EML5: variants seen among roughly 807,000 people sequenced by gnomAD.
EML5 encodes echinoderm microtubule-associated protein-like 5.
In EML5, 120 loss-of-function variants were observed where a neutral mutation model predicts 250.0. The observed-to-expected ratio is 0.48, with a 90% CI of 0.41 to 0.56. The LOEUF (loss-of-function observed/expected upper bound fraction) is 0.56, where lower values mean the gene tolerates loss of function less well. Ranked by LOEUF, EML5 falls within the 20% of genes least tolerant of loss-of-function variation. The pLI, the probability that EML5 is intolerant of heterozygous loss-of-function variation, is 0.00. For missense variants in EML5, 2,006 were observed against 2,437.6 expected, an observed-to-expected ratio of 0.82 and a Z score of 3.73; for synonymous variants, 771 against 806.5, an observed-to-expected ratio of 0.96 and a Z score of 0.75.
In EML5 at chr14:88,613,122, G is replaced by GAATT. The variant is rs2087059602; in HGVS notation, c.*2692_*2695dup. ...ATTGCTTTTCCATTGGGAGAAGAAA[G>GAATT]AATTAACCAGTCATTAAACCATTTG... On this transcript the variant is annotated 3_prime_UTR_variant, in exon 44 of 44. Coordinates refer to ENST00000554922, the MANE Select transcript of EML5 (RefSeq NM_183387.3). 6.6e-6 allele frequency: 1 copy of GAATT among 152,234 alleles called. No homozygotes were observed. The highest frequency in any genetic ancestry group is 6.5e-5 in the Admixed American group (1 of 15,274). 9.4% of individuals were successfully genotyped at this position (152,234 alleles called of 1,614,324 possible).
At chr14:88,733,867 A>T (rs1252206225) in intron 7 of EML5, among the ~76,000 whole-genome samples, 1 of 152,188 alleles carries the variant, frequency 6.6e-6, no homozygotes, top group Non-Finnish European at 1.5e-5. Context: ...TATATTGAAA[A>T]TTTTTAAAAA....
chr14:88,737,432 A>G (rs1172909338), intron 6 of EML5, among the ~76,000 whole-genome samples: 2 of 152,228 alleles, frequency 1.3e-5, no homozygotes, highest in African/African-American at 2.4e-5. Flanking sequence ...GGATCCAGCC[A>G]GAGTATAAGC....
At chr14:88,682,057 T>C (rs1450075480) in intron 20 of EML5, 26 bp from the exon 21 acceptor site, 2 of 1,570,464 alleles carry the variant, frequency 1.3e-6, no homozygotes, top group Non-Finnish European at 8.6e-7. Flanking sequence ...AGGATCAATT[T>C]AGTGTATGTG....
chr14:88,746,524 C>A (rs2094006617), intron 2 of EML5, among the ~76,000 whole-genome samples: 1 of 151,966 alleles, frequency 6.6e-6, no homozygotes. Flanking sequence ...GTAGGATTGA[C>A]AAAATATCCT....
chr14:88,636,703 G>T (rs77313425), intron 32 of EML5, among the ~76,000 whole-genome samples: 3,035 of 152,146 alleles, frequency 0.02, 97 homozygotes, highest in African/African-American at 0.066. Flanking sequence ...ATAAGACTCA[G>T]GGAGAATATG....
intron 21 of EML5, among the ~76,000 whole-genome samples, chr14:88,679,604 A>G (rs1466661339): frequency 1.3e-5 from 2 of 152,148 alleles, no homozygotes; most frequent in African/African-American, 4.8e-5. Context: ...AAGCAGAAGA[A>G]TCGCTTGAAC....
At chr14:88,660,283 A>T (rs78211623) in intron 25 of EML5, among the ~76,000 whole-genome samples, 13 of 89,266 alleles carry the variant, frequency 1.5e-4, no homozygotes, top group East Asian at 5.2e-4. Flanking sequence ...ACGCTGTCTT[A>T]AAAAAAAAAA....
chr14:88,614,928 G>A lies in EML5; in HGVS notation c.*890C>T, dbSNP rs1567005979. ...TTAAATTGTATAATGTTGTATATGT[G>A]AATTTAACACTTTTGTTTACATGTT... On this transcript the variant is annotated 3_prime_UTR_variant, in exon 44 of 44. Coordinates refer to ENST00000554922, the MANE Select transcript of EML5 (RefSeq NM_183387.3). 1.3e-5 allele frequency: 2 copies of A among 152,120 alleles called. No individual in the cohort carries two copies. Among genetic ancestry groups the A allele is most frequent in the African/African-American group, 4.8e-5 (2 of 41,436 alleles). 9.4% of individuals were successfully genotyped at this position (152,120 alleles called of 1,614,324 possible). A position where few individuals can be genotyped will look rare whatever the true frequency, so the allele number is the denominator to read the frequency against.
rs2088664364 is a variant in EML5, at chr14:88,620,371, TGAG to T, written c.5375+380_5375+382del. 1 of 162,966 alleles carries T rather than the reference TGAG, an allele frequency of 6.1e-6. No individual in the cohort carries two copies. Among genetic ancestry groups the T allele is most frequent in the Non-Finnish European group, 1.3e-5 (1 of 75,818 alleles). The allele number at this position is 162,966 out of a possible 1,614,324, so 10.1% of individuals were successfully genotyped here. Reference sequence around the variant, plus strand: ...ATTAATGAACTACATATTCCCAAACTGAGGTTACTAAGAGAAGATATGTTTGAA... The same window carrying T: ...ATTAATGAACTACATATTCCCAAACTGTTACTAAGAGAAGATATGTTTGAA... On this transcript the variant is annotated intron_variant, in intron 39 of 43. Coordinates refer to ENST00000554922, the MANE Select transcript of EML5 (RefSeq NM_183387.3). The surrounding 1 kb of genome is among the most constrained non-coding windows in gnomAD (Gnocchi z 4.3).
In EML5 at chr14:88,765,705, G is replaced by A. The variant is rs373038075; in HGVS notation, c.198-11034C>T. On this transcript the variant is annotated intron_variant, in intron 1 of 43. Coordinates refer to ENST00000554922, the MANE Select transcript of EML5 (RefSeq NM_183387.3). ...GGAATTAGAGTATGGATATCTTTGG[G>A]GCCAGTCTGGCTACCATGCAGACTC... Among the ~76,000 whole-genome samples the A allele has an allele frequency of 3.3e-5, 5 of 152,158 alleles. No individual in the cohort carries two copies. In the East Asian group the frequency reaches 7.7e-4, roughly 24 times the overall value.
chr14:88,661,627 T>C (rs1050949786), intron 25 of EML5, 27 bp downstream of exon 25: 7 of 1,590,220 alleles, frequency 4.4e-6, no homozygotes, highest in East Asian at 2.2e-5. Context: ...TTGATGATCA[T>C]TAGGAAAGTT....
rs139600254 is a variant in EML5 at position 88,726,888 on chromosome 14, C to T, written c.1050-210G>A. Among the ~76,000 whole-genome samples the T allele has an allele frequency of 3.0e-3, 455 of 152,114 alleles. 1 individual carries two copies. The highest frequency in any genetic ancestry group is 0.011 in the African/African-American group (439 of 41,516). On this transcript the variant is annotated intron_variant, in intron 7 of 43. Coordinates refer to ENST00000554922, the MANE Select transcript of EML5 (RefSeq NM_183387.3). ...AATCTTTTGCTTTGAATTTTTTTGG[C>T]GACATCACGTCACTCTGTCACTCAG...
intron 2 of EML5, among the ~76,000 whole-genome samples, chr14:88,752,891 C>A (rs957644461): frequency 6.6e-6 from 1 of 152,168 alleles, no homozygotes. Context: ...AGATTATCTT[C>A]CCACTCCATC....
intron 7 of EML5, among the ~76,000 whole-genome samples, chr14:88,731,523 A>G (rs1437750386): frequency 6.6e-6 from 1 of 152,206 alleles, no homozygotes; most frequent in East Asian, 1.9e-4. Context: ...GTGCCACAAT[A>G]AACATACGTG....
chr14:88,775,700 G>A (rs1392722427), intron 1 of EML5, among the ~76,000 whole-genome samples: 1 of 152,204 alleles, frequency 6.6e-6, no homozygotes, highest in African/African-American at 2.4e-5. Flanking sequence ...AGCGCTGAAG[G>A]GAAGCACACT....
chr14:88,716,983 T>C (rs1481381377), intron 8 of EML5, among the ~76,000 whole-genome samples: 2 of 152,208 alleles, frequency 1.3e-5, no homozygotes, highest in East Asian at 1.9e-4. Flanking sequence ...TATGGTTTCT[T>C]TTAAGAAGCA....
At chr14:88,749,027 T>C (rs1463805090) in intron 2 of EML5, among the ~76,000 whole-genome samples, 2 of 147,082 alleles carry the variant, frequency 1.4e-5, no homozygotes, top group African/African-American at 5.0e-5. Flanking sequence ...GAAATAATAG[T>C]AAAAAGTTTC....
intron 15 of EML5, among the ~76,000 whole-genome samples, chr14:88,695,906 C>T (rs1226356015): frequency 2.0e-5 from 3 of 152,148 alleles, no homozygotes; most frequent in African/African-American, 7.2e-5. Context: ...ACTAATATGA[C>T]TACTTTTAGT....
intron 20 of EML5, among the ~76,000 whole-genome samples, chr14:88,684,123 G>C (rs1345543622): frequency 6.6e-6 from 1 of 150,912 alleles, no homozygotes; most frequent in Non-Finnish European, 1.5e-5. Flanking sequence ...ACAGGTTATA[G>C]GGTTAATGTA....
Sources: gnomAD v4.1 joint callset for allele counts (sites outside exome capture counted in the v4.1 genomes callset) on GRCh38, gnomAD v4.1.1 for gene constraint, Gnocchi (gnomAD v3.1) non-coding constraint, MANE v1.5 for transcripts, NCBI Gene and HGNC (gene_info 2026-07-23, HGNC 2026-07-21) for gene names.